Variants in ZMYND8 observed in about 807,000 individuals in gnomAD.
The protein encoded by ZMYND8 is MYND-type zinc finger-containing chromatin reader ZMYND8.
Under a neutral mutation model 140.8 loss-of-function variants are expected in ZMYND8, and 37 were observed. The ratio of observed to expected loss-of-function variants is 0.26; its 90% confidence interval spans 0.20 to 0.35. The LOEUF (loss-of-function observed/expected upper bound fraction) is 0.35. Ranked by LOEUF, ZMYND8 falls within the 10% of genes least tolerant of loss-of-function variation. The pLI is 1.00. For synonymous variants in ZMYND8, 592 were observed against 597.1 expected, an observed-to-expected ratio of 0.99 and a Z score of 0.12; for missense variants, 1,068 against 1,570.0, an observed-to-expected ratio of 0.68 and a Z score of 5.40.
At chr20:47,322,703 C>T (rs375900306) in intron 2 of ZMYND8, among the ~76,000 whole-genome samples, 1 of 152,240 alleles carries the variant, frequency 6.6e-6, no homozygotes, top group African/African-American at 2.4e-5. Context: ...GCCACCACAC[C>T]CAGCCAGGAT....
chr20:47,249,381 G>A lies in ZMYND8; in HGVS notation c.1680C>T (p.Ser560=). ...KELSESVQQQ[S]TPVPLISPKR... ...TGGGAGAGATGAGAGGAACAGGGGT[G>A]GACTGTTGCTGGACCGACTCGCTCA... The change falls in exon 13 of 23, where the codon TCC becomes TCT. Residue 560 remains serine, a synonymous_variant. Transcript: ENST00000471951. 4.3e-6 allele frequency: 7 copies of A among 1,614,164 alleles called. No individual in the cohort carries two copies. The highest frequency in any genetic ancestry group is 2.2e-5 in the East Asian group (1 of 44,876).
intron 20 of ZMYND8, among the ~76,000 whole-genome samples, chr20:47,220,720 T>C (rs1259154522): frequency 6.6e-6 from 1 of 152,226 alleles, no homozygotes; most frequent in Non-Finnish European, 1.5e-5. Context: ...TAAACCAACA[T>C]GTTTTAACTG....
chr20:47,325,974 T>G (rs1465550837), intron 2 of ZMYND8, among the ~76,000 whole-genome samples: 1 of 152,000 alleles, frequency 6.6e-6, no homozygotes, highest in Non-Finnish European at 1.5e-5. Context: ...TATTTATTTT[T>G]TTGAGATGGA....
rs960117424 is a variant in ZMYND8 at position 47,350,048 on chromosome 20, G to A, written c.15-2122C>T. On this transcript the variant is annotated intron_variant, in intron 1 of 22. Coordinates refer to ENST00000471951, the MANE Select transcript of ZMYND8 (RefSeq NM_001281775.3). ...GTGGCTATTTGCTTCTGAGTTTTAAGATAATCAATGCTGGAGCAGAAGAGA... is the reference window on the plus strand; with the variant it reads ...GTGGCTATTTGCTTCTGAGTTTTAAAATAATCAATGCTGGAGCAGAAGAGA... The A allele has an allele frequency of 7.7e-6, 11 of 1,437,426 alleles. 1 individual carries two copies. The South Asian group carries it at 8.8e-5, about 11-fold the overall frequency. The allele number at this position is 1,437,426 out of a possible 1,614,324, so 89.0% of individuals were successfully genotyped here. A position where few individuals can be genotyped will look rare whatever the true frequency, so the allele number is the denominator to read the frequency against.
At chr20:47,347,964 T>G in intron 1 of ZMYND8, 38 bp from the exon 2 acceptor site, 2 of 1,607,396 alleles carry the variant, frequency 1.2e-6, no homozygotes. Context: ...TTAGGAAGGC[T>G]GAGAACTTGC....
chr20:47,222,050 C>CTGT (rs1478162525), intron 19 of ZMYND8, among the ~76,000 whole-genome samples: 1 of 151,994 alleles, frequency 6.6e-6, no homozygotes, highest in East Asian at 1.9e-4. Flanking sequence ...ACAAATAAAG[C>CTGT]CCATCAACAA....
At chr20:47,235,438 C>G (rs1225734968) in intron 16 of ZMYND8, among the ~76,000 whole-genome samples, 1 of 152,150 alleles carries the variant, frequency 6.6e-6, no homozygotes. Flanking sequence ...GGCCTGGTGG[C>G]TCACACCTGT....
At chr20:47,216,100 CGCAGGGAGAGAT>C (rs1285555400) in intron 21 of ZMYND8, among the ~76,000 whole-genome samples, 17 of 152,236 alleles carry the variant, frequency 1.1e-4, no homozygotes, top group Non-Finnish European at 1.9e-4. Context: ...GGGATGGTGA[CGCAGGGAGAGAT>C]GCAGGGAGGT....
chr20:47,210,799 G>A lies in ZMYND8; in HGVS notation c.3667C>T (p.Leu1223Phe), dbSNP rs142922966. The A allele has an allele frequency of 1.3e-4, 212 of 1,614,100 alleles. No individual in the cohort carries two copies. The highest frequency in any genetic ancestry group is 1.6e-4 in the Non-Finnish European group (186 of 1,180,020). Residue 1223 changes from leucine to phenylalanine, a missense_variant, in exon 23 of 23, where the codon CTC becomes TTC. Coordinates refer to ENST00000471951, the MANE Select transcript of ZMYND8 (RefSeq NM_001281775.3). ...HNTSTSTKSL[L>F]PKESRLDTFW... ...GTGTCCAGCCGAGACTCTTTCGGGAGGAGGCTCTTCGTGCTGGTACTGGTG... is the reference window on the plus strand; with the variant it reads ...GTGTCCAGCCGAGACTCTTTCGGGAAGAGGCTCTTCGTGCTGGTACTGGTG...
intron 2 of ZMYND8, among the ~76,000 whole-genome samples, chr20:47,342,588 G>A (rs1023646535): frequency 2.7e-5 from 4 of 150,090 alleles, no homozygotes; most frequent in African/African-American, 9.8e-5. Context: ...GCTCATGCCT[G>A]TAATCCCAGC....
At chr20:47,317,885 C>G (rs1435590442) in intron 2 of ZMYND8, among the ~76,000 whole-genome samples, 8 of 152,192 alleles carry the variant, frequency 5.3e-5, no homozygotes, top group Non-Finnish European at 1.2e-4. Context: ...TACCACTTTA[C>G]AAGTGGTACC....
intron 3 of ZMYND8, among the ~76,000 whole-genome samples, chr20:47,305,561 C>CA (rs3092386): frequency 0.29 from 37,090 of 126,442 alleles, 8,089 homozygotes; most frequent in African/African-American, 0.62. Flanking sequence ...TTGTTTCTTT[C>CA]AAAAAAAAAA....
intron 16 of ZMYND8, among the ~76,000 whole-genome samples, chr20:47,233,718 C>A (rs893441472): frequency 6.6e-6 from 1 of 152,186 alleles, no homozygotes; most frequent in South Asian, 2.1e-4. Flanking sequence ...CCTCACCGGG[C>A]TTCAGTTTTC....
At chr20:47,307,288 C>T (rs1004499322) in intron 3 of ZMYND8, among the ~76,000 whole-genome samples, 60 of 148,392 alleles carry the variant, frequency 4.0e-4, no homozygotes, top group African/African-American at 1.5e-3. Flanking sequence ...CCGTCTCTAC[C>T]AAAACTACAA....
chr20:47,248,180 C>T (rs113439580), intron 13 of ZMYND8, among the ~76,000 whole-genome samples: 1 of 152,194 alleles, frequency 6.6e-6, no homozygotes. Flanking sequence ...CAAAATGGGA[C>T]TGATAAAAGT....
At chr20:47,255,577 T>C (rs202142475) in intron 12 of ZMYND8, among the ~76,000 whole-genome samples, 1 of 115,378 alleles carries the variant, frequency 8.7e-6, no homozygotes, top group African/African-American at 3.8e-5. Context: ...TGTGTGTGTG[T>C]GTGTGTGTGT....
At chr20:47,285,000 T>C (rs1371963926) in intron 8 of ZMYND8, among the ~76,000 whole-genome samples, 1 of 152,200 alleles carries the variant, frequency 6.6e-6, no homozygotes, top group Non-Finnish European at 1.5e-5. Flanking sequence ...ATATTGCCCA[T>C]TAACATTTAC....
chr20:47,243,878 C>A (rs2040236865), intron 14 of ZMYND8, among the ~76,000 whole-genome samples: 1 of 152,336 alleles, frequency 6.6e-6, no homozygotes, highest in East Asian at 1.9e-4. Context: ...TTGTTCTCTG[C>A]AACAACAGAG....
At chr20:47,332,324 G>C (rs2081026481) in intron 2 of ZMYND8, among the ~76,000 whole-genome samples, 1 of 151,628 alleles carries the variant, frequency 6.6e-6, no homozygotes, top group African/African-American at 2.4e-5. Context: ...AAAAAAATAA[G>C]TTTGGCTTTG....
Sources: allele counts gnomAD v4.1 joint callset (sites outside exome capture counted in the v4.1 genomes callset), GRCh38; gene constraint gnomAD v4.1.1; transcripts MANE v1.5; gene names NCBI Gene and HGNC (gene_info 2026-07-23, HGNC 2026-07-21).